Variants in DNAI7 observed in about 807,000 individuals in gnomAD.
The protein encoded by DNAI7 is cancer susceptibility 1.
A neutral mutation model predicts 86.6 loss-of-function variants in DNAI7; 78 were observed. The ratio of observed to expected loss-of-function variants is 0.90; its 90% CI spans 0.75 to 1.09. The LOEUF (loss-of-function observed/expected upper bound fraction) is 1.09, where lower values mean the gene tolerates loss of function less well. Ranked by LOEUF, DNAI7 falls within the 50% of genes least tolerant of loss-of-function variation. The probability of loss-of-function intolerance (pLI) is 0.00; values close to 1 mark genes in which losing one functional copy is unlikely to be tolerated. For synonymous variants in DNAI7, 274 were observed against 273.0 expected (o/e 1.00, Z -0.04); for missense variants, 753 against 810.2 (o/e 0.93, Z 0.86).
chr12:25,155,395 A>ATTTCTCC lies in DNAI7; in HGVS notation c.209_215dup (p.Asn72LysfsTer4), dbSNP rs766816345. 1 of 1,595,900 alleles carries ATTTCTCC rather than the reference A, an allele frequency of 6.3e-7. No individual in the cohort carries two copies. The highest frequency in any genetic ancestry group is 8.6e-7 in the Non-Finnish European group (1 of 1,166,700). On this transcript the variant is annotated frameshift_variant, in exon 5 of 16. Coordinates refer to ENST00000395987, the MANE Select transcript of DNAI7 (RefSeq NM_018272.5). LOFTEE classifies it high-confidence loss of function. ...ATAAATAAAGTTCTTCAAGTTCTTC[A>ATTTCTCC]TTTCTCCTTTCTAGATCCTGTTGCA...
intron 9 of DNAI7, among the ~76,000 whole-genome samples, chr12:25,123,536 T>C (rs1941643438): frequency 6.6e-6 from 1 of 152,170 alleles, no homozygotes; most frequent in Non-Finnish European, 1.5e-5. Flanking sequence ...TCCTCAAGTG[T>C]AAAAGATGGA....
At position 25,144,524 on chromosome 12, in the gene DNAI7, A is replaced by C. The variant is rs1332509055; in HGVS notation, c.843T>G (p.Ser281=). 6.2e-7 allele frequency: 1 copy of C among 1,614,016 alleles called. No individual in the cohort carries two copies. Among genetic ancestry groups the C allele is most frequent in the Non-Finnish European group, 8.5e-7 (1 of 1,180,018 alleles). Residue 281 remains serine (S), a synonymous_variant, in exon 9 of 16, where the codon TCT becomes TCG. Transcript: ENST00000395987. ...CATCTTTGACAAGCTCAGTTACTGCAGAAGTGTATTCTTTTGATGGTGTTG... is the reference window on the plus strand; with the variant it reads ...CATCTTTGACAAGCTCAGTTACTGCCGAAGTGTATTCTTTTGATGGTGTTG... ...PVSTPSKEYT[S]AVTELVKDDV...
chr12:25,158,719 C>A, intron 3 of DNAI7, 156 bp from the exon 4 acceptor site: 1 of 1,475,438 alleles, frequency 6.8e-7, no homozygotes, highest in Non-Finnish European at 9.0e-7. Context: ...TGTCAGTTCT[C>A]CTTTCTTCAA....
At chr12:25,107,639 G>A (rs2140292652), downstream of DNAI7, among the ~76,000 whole-genome samples, 1 of 152,358 alleles carries the variant, frequency 6.6e-6, no homozygotes, top group South Asian at 2.1e-4. Context: ...AATCCTAATA[G>A]GTACAAAGGG....
intron 2 of DNAI7, among the ~76,000 whole-genome samples, chr12:25,161,702 A>G (rs1946853990): frequency 6.6e-6 from 1 of 152,212 alleles, no homozygotes. Flanking sequence ...TCTGTGCTCA[A>G]ATGATTTTTA....
chr12:25,159,570 T>C (rs1341875310), intron 3 of DNAI7, among the ~76,000 whole-genome samples: 1 of 152,222 alleles, frequency 6.6e-6, no homozygotes, highest in Admixed American at 6.5e-5. Flanking sequence ...CAATAAGGTA[T>C]GGCAGACCTA....
At chr12:25,156,612 G>A (rs983636183) in intron 4 of DNAI7, among the ~76,000 whole-genome samples, 4 of 150,810 alleles carry the variant, frequency 2.7e-5, no homozygotes, top group East Asian at 2.0e-4. Context: ...GCGGTGGCGG[G>A]TGCCTGTAAT....
intron 4 of DNAI7, among the ~76,000 whole-genome samples, chr12:25,158,083 G>T (rs763310150): frequency 2.0e-5 from 3 of 152,050 alleles, no homozygotes; most frequent in Non-Finnish European, 2.9e-5. Context: ...CAAAAAATTA[G>T]CCGGGTGTGG....
chr12:25,162,891 G>C (rs1946990043), intron 2 of DNAI7, among the ~76,000 whole-genome samples: 2 of 152,060 alleles, frequency 1.3e-5, no homozygotes, highest in Admixed American at 6.6e-5. Flanking sequence ...AACACACATG[G>C]GCTCAAATTT....
chr12:25,111,663 TA>T, intron 14 of DNAI7, 108 bp downstream of exon 14: 1 of 493,042 alleles, frequency 2.0e-6, no homozygotes, highest in Non-Finnish European at 2.9e-6. Flanking sequence ...TAATACTGTA[TA>T]AATGAATATA....
chr12:25,182,216 A>G lies in DNAI7; in HGVS notation c.21+8398T>C, dbSNP rs985880034. ...TACAACATTAGCCGGGCATGGTGGT[A>G]CATGCCTGTAATCCCAGCTACTCGG... is the stretch of plus-strand genomic sequence containing the variant. On this transcript the variant is annotated intron_variant, in intron 2 of 15. Transcript: ENST00000395987. 7.2e-5 allele frequency among the ~76,000 whole-genome samples: 11 copies of G among 151,834 alleles called. No homozygotes were observed. The South Asian group carries it at 1.7e-3, about 23-fold the overall frequency.
At chr12:25,117,310 T>G (rs756157111) in intron 12 of DNAI7, among the ~76,000 whole-genome samples, 3 of 152,226 alleles carry the variant, frequency 2.0e-5, no homozygotes, top group Non-Finnish European at 4.4e-5. Context: ...AACAAAAATG[T>G]AGAGCACCAG....
In DNAI7 at chr12:25,108,797, A is replaced by G. The variant is rs770202659; in HGVS notation, c.1920T>C (p.Cys640=). ...AAAGGGCCCAATTAGGATTCTCAGT[A>G]CATGCTTCAGTAAGGTGTTCCCTCA... ...FKVREHLTEA[C]TENPNWALLM... is the part of the protein sequence containing the mutation. Residue 640 remains cysteine (C), a synonymous_variant, in exon 16 of 16, where the codon TGT becomes TGC. Transcript: ENST00000395987. 2 of 767,602 alleles carry G rather than the reference A, an allele frequency of 2.6e-6. No individual in the cohort carries two copies. The highest frequency in any genetic ancestry group is 9.0e-5 in the East Asian group (2 of 22,232). 47.5% of individuals were successfully genotyped at this position (767,602 alleles called of 1,614,324 possible).
intron 8 of DNAI7, among the ~76,000 whole-genome samples, chr12:25,145,596 T>C (rs1944724140): frequency 6.6e-6 from 1 of 152,222 alleles, no homozygotes; most frequent in African/African-American, 2.4e-5. Flanking sequence ...GTTGGTTTTT[T>C]TGTTTTTCAT....
chr12:25,174,681 T>TATATATGGAATATATATATC lies in DNAI7; in HGVS notation c.22-13485_22-13484insGATATATATATTCCATATAT, dbSNP rs1239122846. The stretch of plus-strand genomic sequence containing the variant: ...TCATATATATGGAATATATATATCA[T>TATATATGGAATATATATATC]ATATATATGGAATATAGATATCATA... On this transcript the variant is annotated intron_variant, in intron 2 of 15. Coordinates refer to ENST00000395987, the MANE Select transcript of DNAI7 (RefSeq NM_018272.5). Among the ~76,000 whole-genome samples the TATATATGGAATATATATATC allele has an allele frequency of 1.4e-4, 8 of 59,024 alleles. 1 individual carries two copies. Among genetic ancestry groups the TATATATGGAATATATATATC allele is most frequent in the African/African-American group, 6.1e-4 (8 of 13,106 alleles). The allele number at this position is 59,024 out of a possible 152,430, so 38.7% of individuals were successfully genotyped here.
chr12:25,124,479 A>G (rs1941807067), intron 9 of DNAI7, among the ~76,000 whole-genome samples: 1 of 151,932 alleles, frequency 6.6e-6, no homozygotes, highest in Non-Finnish European at 1.5e-5. Flanking sequence ...ACAAATGGGT[A>G]TATTTTTGTA....
chr12:25,154,727 GCTTA>G (rs1945955047), intron 5 of DNAI7, among the ~76,000 whole-genome samples: 1 of 151,938 alleles, frequency 6.6e-6, no homozygotes, highest in African/African-American at 2.4e-5. Flanking sequence ...GTTTTGTTTT[GCTTA>G]GTTTTCCTCT....
At chr12:25,175,979 C>T (rs965979837) in intron 2 of DNAI7, among the ~76,000 whole-genome samples, 2 of 151,966 alleles carry the variant, frequency 1.3e-5, no homozygotes, top group African/African-American at 4.8e-5. Flanking sequence ...ACTCGGGAGG[C>T]TGAGGTAGGA....
chr12:25,141,871 A>C (rs902938713), intron 9 of DNAI7, among the ~76,000 whole-genome samples: 2 of 152,106 alleles, frequency 1.3e-5, no homozygotes, highest in East Asian at 3.9e-4. Context: ...AAATCAAAAA[A>C]TAATAGATGT....
Sources: gnomAD v4.1 joint callset for allele counts (sites outside exome capture counted in the v4.1 genomes callset) on GRCh38, gnomAD v4.1.1 for gene constraint, MANE v1.5 for transcripts, NCBI Gene and HGNC (gene_info 2026-07-23, HGNC 2026-07-21) for gene names.